ZBBX: variants seen among roughly 807,000 people sequenced by gnomAD.
ZBBX encodes the protein zinc finger B-box domain containing, also known as zinc finger B-box domain-containing protein 1.
ZBBX carries 101 observed loss-of-function variants against 108.5 expected under a neutral mutation model. The ratio of observed to expected loss-of-function variants is 0.93; its 90% CI spans 0.79 to 1.10. ZBBX has a LOEUF of 1.10. ZBBX is among the 50% of genes least tolerant of loss of function. ZBBX has a pLI of 0.00. For missense variants in ZBBX, 1,009 were observed against 941.4 expected, an observed-to-expected ratio of 1.07 and a Z score of -0.94; for synonymous variants, 356 against 323.4, an observed-to-expected ratio of 1.10 and a Z score of -1.08.
intron 19 of ZBBX, among the ~76,000 whole-genome samples, chr3:167,283,457 A>G (rs1261741212): frequency 6.6e-6 from 1 of 152,190 alleles, no homozygotes; most frequent in Non-Finnish European, 1.5e-5. Context: ...CCCTTAACAC[A>G]AACTGGCTTT....
At chr3:167,356,902 T>C (rs946679581) in intron 8 of ZBBX, among the ~76,000 whole-genome samples, 2 of 152,176 alleles carry the variant, frequency 1.3e-5, no homozygotes, top group East Asian at 1.9e-4. Flanking sequence ...GGGCTATCAA[T>C]GTAAGTAACA....
intron 20 of ZBBX, among the ~76,000 whole-genome samples, chr3:167,261,793 A>C (rs1724586415): frequency 6.6e-6 from 1 of 151,592 alleles, no homozygotes; most frequent in Non-Finnish European, 1.5e-5. Context: ...AAAAAAAAAA[A>C]AAAAAAGTGG....
At position 167,396,930 on chromosome 3, in the gene ZBBX, T is replaced by C. The variant is rs1013105136; in HGVS notation, c.-446+10796A>G. Among the ~76,000 whole-genome samples, 6 of 151,804 alleles carry C rather than the reference T, an allele frequency of 4.0e-5. No homozygotes were observed. The South Asian group carries it at 1.0e-3, about 26-fold the overall frequency. ...TTCACAGGTCTTATGTTAAATAAAA[T>C]ATTGCCACAATGTCATATCTGGTTA... On this transcript the variant is annotated intron_variant, in intron 1 of 21. Coordinates refer to the ZBBX transcript ENST00000455345.
intron 8 of ZBBX, among the ~76,000 whole-genome samples, chr3:167,356,091 CA>C (rs1210218579): frequency 2.6e-5 from 4 of 152,066 alleles, no homozygotes; most frequent in Non-Finnish European, 5.9e-5. Flanking sequence ...GTAGGAGTCA[CA>C]AAAAATATTG....
At chr3:167,228,022 A>T in the ZBBX span, among the ~76,000 whole-genome samples, 1 of 151,696 alleles carries the variant, frequency 6.6e-6, no homozygotes, top group African/African-American at 2.4e-5. Context: ...TTAGGTCTAG[A>T]TTCTGGGCCC....
intron 9 of ZBBX, among the ~76,000 whole-genome samples, chr3:167,338,731 C>A (rs1235766468): frequency 6.6e-6 from 1 of 152,028 alleles, no homozygotes; most frequent in African/African-American, 2.4e-5. Context: ...CAGAAGAGTT[C>A]TGTTATTTTA....
chr3:167,364,331 A>C (rs1019010933), intron 6 of ZBBX, among the ~76,000 whole-genome samples: 8 of 152,074 alleles, frequency 5.3e-5, no homozygotes. Context: ...ATAGATACTC[A>C]AAACTTTTTT....
chr3:167,188,046 G>GT, the ZBBX span, among the ~76,000 whole-genome samples: 1 of 152,086 alleles, frequency 6.6e-6, no homozygotes, highest in Non-Finnish European at 1.5e-5. Flanking sequence ...ATTTGGGATT[G>GT]TAAGAAAGAA....
rs1434771703 is a variant in ZBBX at position 167,285,816 on chromosome 3, A to G, written c.1996+3051T>C. ...CAAGTTGCACTCCAAACTAACACAC[A>G]GTTCTACTAGCCTACTCTACTAATT... On this transcript the variant is annotated intron_variant, in intron 19 of 21. Transcript: ENST00000675490. Among the ~76,000 whole-genome samples, 3 of 152,120 alleles carry G rather than the reference A, an allele frequency of 2.0e-5. No homozygotes were observed. The East Asian group carries it at 5.8e-4, about 29-fold the overall frequency.
At chr3:167,402,566 C>T (rs530414998) in intron 1 of ZBBX, among the ~76,000 whole-genome samples, 4 of 152,036 alleles carry the variant, frequency 2.6e-5, no homozygotes, top group Non-Finnish European at 4.4e-5. Context: ...ACGAGACCTA[C>T]GTAGAGGCAG....
chr3:167,231,046 C>G, the ZBBX span, among the ~76,000 whole-genome samples: 1 of 151,664 alleles, frequency 6.6e-6, no homozygotes, highest in East Asian at 1.9e-4. Context: ...GAGTCTTTGG[C>G]CTGAGCAATT....
At chr3:167,347,196 A>G (rs1361994838) in intron 9 of ZBBX, among the ~76,000 whole-genome samples, 1 of 151,986 alleles carries the variant, frequency 6.6e-6, no homozygotes, top group Non-Finnish European at 1.5e-5. Context: ...TTCAAAAAAC[A>G]TCTATCTAAT....
At chr3:167,227,414 G>A in the ZBBX span, among the ~76,000 whole-genome samples, 8 of 151,534 alleles carry the variant, frequency 5.3e-5, no homozygotes, top group East Asian at 2.0e-4. Flanking sequence ...TCCTCTACCC[G>A]TCCCCAAAGC....
intron 1 of ZBBX, among the ~76,000 whole-genome samples, chr3:167,387,709 G>A (rs978781416): frequency 7.8e-4 from 119 of 151,896 alleles, no homozygotes; most frequent in African/African-American, 2.6e-3. Flanking sequence ...GGTCATCGCT[G>A]TTGTATAGGA....
intron 20 of ZBBX, among the ~76,000 whole-genome samples, chr3:167,270,680 A>G (rs567653693): frequency 2.0e-5 from 3 of 152,340 alleles, no homozygotes; most frequent in African/African-American, 7.2e-5. Flanking sequence ...AAGAAAGCAG[A>G]AAGTTAACTT....
intron 4 of ZBBX, 127 bp from the exon 5 acceptor site, chr3:167,368,701 A>G (rs1745715433): frequency 7.8e-7 from 1 of 1,285,088 alleles, no homozygotes; most frequent in Non-Finnish European, 9.8e-7. Context: ...TTTCTTTTGT[A>G]CTTCTCCGAA....
intron 9 of ZBBX, among the ~76,000 whole-genome samples, chr3:167,348,304 G>GAA (rs1484887151): frequency 6.8e-5 from 4 of 59,000 alleles, no homozygotes; most frequent in Middle Eastern, 9.8e-3. Context: ...AGAAGAAAGA[G>GAA]AGAAAGAAAG....
chr3:167,265,362 T>C (rs1310927237), intron 20 of ZBBX, among the ~76,000 whole-genome samples: 1 of 152,046 alleles, frequency 6.6e-6, no homozygotes, highest in Admixed American at 6.6e-5. Flanking sequence ...TCAGGTTGTG[T>C]CAAGAAATAT....
At chr3:167,285,992 A>G (rs188007750) in intron 19 of ZBBX, among the ~76,000 whole-genome samples, 9 of 152,326 alleles carry the variant, frequency 5.9e-5, no homozygotes, top group Non-Finnish European at 8.8e-5. Flanking sequence ...TTAAATAGTG[A>G]TAGCTTTTAC....
Sources: allele counts gnomAD v4.1 joint callset (sites outside exome capture counted in the v4.1 genomes callset), GRCh38; gene constraint gnomAD v4.1.1; transcripts MANE v1.5; gene names NCBI Gene and HGNC (gene_info 2026-07-23, HGNC 2026-07-21).